GTPBP1: variants seen among roughly 807,000 people sequenced by gnomAD.
The protein encoded by GTPBP1 is GTP-binding protein 1.
A neutral mutation model predicts 62.0 loss-of-function variants in GTPBP1; 23 were observed. The observed-to-expected ratio is 0.37, with a 90% confidence interval of 0.27 to 0.53. GTPBP1 has a LOEUF of 0.53. Among genes scored for constraint, GTPBP1 ranks in the 20% least tolerant of loss-of-function variants. The pLI is 0.89. For missense variants in GTPBP1, 640 were observed against 917.3 expected (o/e 0.70, Z 3.90); for synonymous variants, 344 against 364.4 (o/e 0.94, Z 0.64).
rs2092727918 is a variant in GTPBP1 at position 38,726,557 on chromosome 22, G to C, written c.1401+117G>C. On this transcript the variant is annotated intron_variant, in intron 8 of 11. Transcript: ENST00000216044. The surrounding 1 kb of genome is among the most constrained non-coding windows in gnomAD (Gnocchi z 4.1). ...CTGCTCTGCAAGGTCGGGATTACTG[G>C]CTTCATTTTTACAGATGAGGAAACT... is the stretch of plus-strand genomic sequence containing the variant. 1.2e-6 allele frequency: 1 copy of C among 865,546 alleles called. No homozygotes were observed. Among genetic ancestry groups the C allele is most frequent in the Non-Finnish European group, 1.8e-6 (1 of 553,726 alleles). The allele number at this position is 865,546 out of a possible 1,614,324, so 53.6% of individuals were successfully genotyped here.
At chr22:38,715,008 C>T (rs1403812897) in intron 2 of GTPBP1, among the ~76,000 whole-genome samples, 1 of 152,170 alleles carries the variant, frequency 6.6e-6, no homozygotes. Context: ...GACATGTCAC[C>T]TGAGCCACCT....
At chr22:38,735,373 A>G (rs917386999), downstream of GTPBP1, 1 of 379,640 alleles carries the variant, frequency 2.6e-6, no homozygotes, top group Admixed American at 3.4e-5. Context: ...TCCCCACAAG[A>G]GCCCAGGAGT....
Position 38,716,977 on chromosome 22 carries a change from C to G in GTPBP1, c.811C>G (p.Leu271Val). The G allele has an allele frequency of 1.2e-6, 2 of 1,610,802 alleles. No homozygotes were observed. The highest frequency in any genetic ancestry group is 1.7e-6 in the Non-Finnish European group (2 of 1,177,206). The stretch of plus-strand genomic sequence containing the variant: ...CACTGTCTTCGGCATGACAGGCCAT[C>G]TGCCTGACTTCTGCATGCTCATGGT... ...KTTVFGMTGH[L>V]PDFCMLMVGS... Residue 271 changes from leucine (L) to valine (V), a missense_variant, in exon 4 of 12, where the codon CTG (leucine) becomes GTG (valine). Physicochemically the swap from Leu to Val is conservative, Grantham distance 32 (BLOSUM62 1). Around this residue, in one of 4 missense-constraint regions of GTPBP1, gnomAD observed 88 missense variants for 217.0 expected, o/e 0.41. Coordinates refer to ENST00000216044, the MANE Select transcript of GTPBP1 (RefSeq NM_004286.5). The surrounding 1 kb of genome is among the most constrained non-coding windows in gnomAD (Gnocchi z 5.2).
intron 1 of GTPBP1, chr22:38,706,735 C>T (rs1378214240): frequency 6.6e-6 from 1 of 152,206 alleles, no homozygotes; most frequent in Non-Finnish European, 1.5e-5. Context: ...TCGAGGCCAC[C>T]CGAAACAAAA....
chr22:38,708,945 G>A lies in GTPBP1; in HGVS notation c.293G>A (p.Gly98Glu). The A allele has an allele frequency of 6.3e-7, 1 of 1,574,906 alleles. No homozygotes were observed. Among genetic ancestry groups the A allele is most frequent in the Non-Finnish European group, 8.7e-7 (1 of 1,144,122 alleles). The change falls in exon 2 of 12, where the codon GGG becomes GAG. Residue 98 changes from glycine (G) to glutamate (E), a missense_variant. This residue lies in a region of GTPBP1 where 215 missense variants were observed against 235.1 expected (regional missense o/e 0.91). Coordinates refer to ENST00000216044, the MANE Select transcript of GTPBP1 (RefSeq NM_004286.5). ...TGCGGAGAGACCATATATGTCATTGGGCAGGGATCAGGTGAGCATAGTTTT... is the reference window on the plus strand; with the variant it reads ...TGCGGAGAGACCATATATGTCATTGAGCAGGGATCAGGTGAGCATAGTTTT... Reference protein sequence around the residue: ...EGCGETIYVIGQGSDGTEYGL... With the variant: ...EGCGETIYVIEQGSDGTEYGL...
chr22:38,708,886 A>G lies in GTPBP1; in HGVS notation c.234A>G (p.Leu78=). 6.2e-7 allele frequency: 1 copy of G among 1,612,592 alleles called. No homozygotes were observed. Among genetic ancestry groups the G allele is most frequent in the South Asian group, 1.1e-5 (1 of 91,064 alleles). The change falls in exon 2 of 12, where the codon CTA becomes CTG. Residue 78 remains leucine (L), a synonymous_variant. Coordinates refer to ENST00000216044, the MANE Select transcript of GTPBP1 (RefSeq NM_004286.5). ...VSPTSEQYDS[L]LRQMWERMDE... is the part of the protein sequence containing the mutation. ...CTACATCAGAGCAGTATGACAGCCT[A>G]CTTCGGCAGATGTGGGAGAGGATGG... is the stretch of plus-strand genomic sequence containing the variant.
chr22:38,725,995 C>T lies in GTPBP1; in HGVS notation c.1074-11C>T, dbSNP rs2092724697. 1 of 1,613,186 alleles carries T rather than the reference C, an allele frequency of 6.2e-7. No individual in the cohort carries two copies. The highest frequency in any genetic ancestry group is 8.5e-7 in the Non-Finnish European group (1 of 1,179,250). On this transcript the variant is annotated splice_polypyrimidine_tract_variant and intron_variant, in intron 6 of 11. Coordinates refer to ENST00000216044, the MANE Select transcript of GTPBP1 (RefSeq NM_004286.5). ...CTCTCCTTTTTTCCTTCCTCTTCTC[C>T]CTCTGCTTAGGATGTGCCCGATATT...
At position 38,726,203 on chromosome 22, in the gene GTPBP1, G is replaced by C. The variant is rs1047881636; in HGVS notation, c.1218+53G>C. ...TGGGCACTTCCTACAGTGGCATCAGGGGGTGGGTCTGTGCTGGGGATGCAC... is the reference window on the plus strand; with the variant it reads ...TGGGCACTTCCTACAGTGGCATCAGCGGGTGGGTCTGTGCTGGGGATGCAC... On this transcript the variant is annotated intron_variant, in intron 7 of 11. Transcript: ENST00000216044. This position sits in a 1 kb window ranked among gnomAD's most constrained non-coding sequence, Gnocchi z 4.1. 1.2e-6 allele frequency: 2 copies of C among 1,609,660 alleles called. No individual in the cohort carries two copies. The highest frequency in any genetic ancestry group is 1.7e-6 in the Non-Finnish European group (2 of 1,176,382).
At chr22:38,725,912 C>A in intron 6 of GTPBP1, 94 bp from the exon 7 acceptor site, 2 of 1,174,794 alleles carry the variant, frequency 1.7e-6, no homozygotes, top group East Asian at 2.4e-5. Context: ...ATCTGCTCCT[C>A]GAGCCCTGTT....
At position 38,727,324 on chromosome 22, in the gene GTPBP1, A is replaced by C. The variant is rs760618071; in HGVS notation, c.1513A>C (p.Ile505Leu). 1.3e-6 allele frequency: 2 copies of C among 1,587,792 alleles called. No individual in the cohort carries two copies. Among genetic ancestry groups the C allele is most frequent in the African/African-American group, 1.4e-5 (1 of 73,428 alleles). Residue 505 changes from isoleucine to leucine, a missense_variant, in exon 9 of 12, where the codon ATT (isoleucine) becomes CTT (leucine). Around this residue, in one of 4 missense-constraint regions of GTPBP1, gnomAD observed 220 missense variants for 358.1 expected, o/e 0.61. Coordinates refer to ENST00000216044, the MANE Select transcript of GTPBP1 (RefSeq NM_004286.5). This position sits in a 1 kb window ranked among gnomAD's most constrained non-coding sequence, Gnocchi z 6.5. ...TCTCGTCCTCCACCACCCCACCACAATTAGCCCGCGCTACCAGGCCATGGG... is the reference window on the plus strand; with the variant it reads ...TCTCGTCCTCCACCACCCCACCACACTTAGCCCGCGCTACCAGGCCATGGG... The part of the protein sequence containing the change: ...EILVLHHPTT[I>L]SPRYQAMVHC...
chr22:38,741,076 A>T, downstream of GTPBP1: 1 of 1,585,188 alleles, frequency 6.3e-7, no homozygotes, highest in Non-Finnish European at 8.6e-7. Flanking sequence ...GGACAAATAC[A>T]AGAAATACTC....
intron 2 of GTPBP1, among the ~76,000 whole-genome samples, chr22:38,714,600 C>T (rs768114171): frequency 6.6e-6 from 1 of 151,664 alleles, no homozygotes; most frequent in Non-Finnish European, 1.5e-5. Flanking sequence ...TGATGACTCT[C>T]GAGATGTTTG....
chr22:38,715,932 A>G lies in GTPBP1; in HGVS notation c.330A>G (p.Glu110=). 1 of 1,613,800 alleles carries G rather than the reference A, an allele frequency of 6.2e-7. No homozygotes were observed. The highest frequency in any genetic ancestry group is 8.5e-7 in the Non-Finnish European group (1 of 1,179,874). The change falls in exon 3 of 12, where the codon GAA becomes GAG. Residue 110 remains glutamate, a synonymous_variant. Transcript: ENST00000216044. ...GSDGTEYGLS[E]ADMEASYATV... is the part of the protein sequence containing the mutation. ...ATGGGACTGAGTATGGGCTGAGTGA[A>G]GCTGACATGGAGGCCTCCTACGCCA... is the stretch of plus-strand genomic sequence containing the variant.
downstream of GTPBP1, chr22:38,734,975 G>C: frequency 3.5e-6 from 1 of 284,592 alleles, no homozygotes; most frequent in Non-Finnish European, 6.9e-6. Context: ...CAGACCACCA[G>C]ACACAGCCGG....
chr22:38,717,829 A>T (rs144449320), intron 4 of GTPBP1, among the ~76,000 whole-genome samples: 35 of 152,042 alleles, frequency 2.3e-4, no homozygotes, highest in African/African-American at 8.2e-4. Context: ...CAGCTTTCAC[A>T]GCAGGAGTAA....
At chr22:38,723,055 A>G in intron 5 of GTPBP1, 1 of 782,514 alleles carries the variant, frequency 1.3e-6, no homozygotes, top group East Asian at 2.4e-5. Flanking sequence ...GGTCCAAACC[A>G]CCATTATTTC....
chr22:38,715,825 A>C (rs1235036274), intron 2 of GTPBP1, 82 bp from the exon 3 acceptor site: 1 of 1,165,790 alleles, frequency 8.6e-7, no homozygotes, highest in African/African-American at 1.5e-5. Context: ...GGCCTTTGTT[A>C]GGTGGGGTTC....
downstream of GTPBP1, chr22:38,734,595 G>A (rs954467081): frequency 3.3e-5 from 8 of 243,588 alleles, no homozygotes; most frequent in African/African-American, 7.1e-5. Flanking sequence ...CTGGGCTTTA[G>A]CTGAAAGTTG....
intron 2 of GTPBP1, among the ~76,000 whole-genome samples, chr22:38,714,044 C>T (rs780696391): frequency 6.6e-5 from 10 of 151,362 alleles, no homozygotes; most frequent in East Asian, 1.9e-4. Flanking sequence ...GAGCGGGGGA[C>T]GGGGTGGGGA....
Sources: allele counts gnomAD v4.1 joint callset (sites outside exome capture counted in the v4.1 genomes callset), GRCh38; gene constraint gnomAD v4.1.1; regional missense constraint gnomAD v4.1.1; non-coding constraint Gnocchi (gnomAD v3.1); transcripts MANE v1.5; gene names NCBI Gene and HGNC (gene_info 2026-07-23, HGNC 2026-07-21).